Variants in ARHGAP26 observed in about 807,000 individuals in gnomAD.
ARHGAP26 encodes rho GTPase-activating protein 26.
In ARHGAP26, 38 loss-of-function variants were observed where a neutral mutation model predicts 104.8. The observed-to-expected ratio is 0.36, with a 90% CI of 0.28 to 0.48. ARHGAP26 has a LOEUF of 0.48. Among genes scored for constraint, ARHGAP26 ranks in the 20% least tolerant of loss-of-function variants. ARHGAP26 has a pLI of 0.99. For missense variants in ARHGAP26, 704 were observed against 947.9 expected, an observed-to-expected ratio of 0.74 and a Z score of 3.38; for synonymous variants, 341 against 340.0, an observed-to-expected ratio of 1.00 and a Z score of -0.03.
At chr5:143,175,981 G>A (rs1803424096) in intron 20 of ARHGAP26, among the ~76,000 whole-genome samples, 1 of 152,130 alleles carries the variant, frequency 6.6e-6, no homozygotes, top group Admixed American at 6.5e-5. Context: ...GGGCGTGGTG[G>A]TGTGCCCCTG....
At chr5:142,826,823 C>T (rs1438756200) in intron 1 of ARHGAP26, among the ~76,000 whole-genome samples, 3 of 152,340 alleles carry the variant, frequency 2.0e-5, no homozygotes, top group African/African-American at 7.2e-5. Context: ...GACTTGAAAA[C>T]TTTTAAATAC....
At position 142,871,435 on chromosome 5, in the gene ARHGAP26, G is replaced by C. The variant is rs554627345; in HGVS notation, c.155-1965G>C. Among the ~76,000 whole-genome samples, 1 of 152,176 alleles carries C rather than the reference G, an allele frequency of 6.6e-6. No homozygotes were observed. Among genetic ancestry groups the C allele is most frequent in the Non-Finnish European group, 1.5e-5 (1 of 68,034 alleles). On this transcript the variant is annotated intron_variant, in intron 1 of 22. Transcript: ENST00000645722. The surrounding 1 kb of genome is among the most constrained non-coding windows in gnomAD (Gnocchi z 4.1). ...TTGTTGAGATGATTGAGTTTCTCTT[G>C]CTTATGGGGGAGGCACAGGATTGTC...
chr5:143,027,560 A>G (rs1202549126), intron 12 of ARHGAP26, among the ~76,000 whole-genome samples: 1 of 151,614 alleles, frequency 6.6e-6, no homozygotes, highest in Non-Finnish European at 1.5e-5. Context: ...TCCATTTTTT[A>G]CCTCAGTTTA....
chr5:143,085,778 G>A (rs1598943983), intron 17 of ARHGAP26, among the ~76,000 whole-genome samples: 1 of 152,330 alleles, frequency 6.6e-6, no homozygotes, highest in South Asian at 2.1e-4. Context: ...CAGCCCTGAA[G>A]TGGCTGTGGG....
chr5:142,874,244 A>G (rs1476425108), intron 2 of ARHGAP26, among the ~76,000 whole-genome samples: 1 of 152,250 alleles, frequency 6.6e-6, no homozygotes, highest in Non-Finnish European at 1.5e-5. Flanking sequence ...AGGATTCGCA[A>G]TGTCAAGACA....
chr5:143,155,614 G>T (rs931601900), intron 20 of ARHGAP26, among the ~76,000 whole-genome samples: 1 of 152,168 alleles, frequency 6.6e-6, no homozygotes, highest in Non-Finnish European at 1.5e-5. Context: ...GTGGCACTTG[G>T]ATCTCTACAG....
At chr5:143,015,199 C>G (rs1779419409) in intron 12 of ARHGAP26, among the ~76,000 whole-genome samples, 1 of 151,984 alleles carries the variant, frequency 6.6e-6, no homozygotes, top group Admixed American at 6.6e-5. Context: ...AGTAAATATG[C>G]AAGGAAACAA....
chr5:143,041,689 A>T, intron 13 of ARHGAP26, 127 bp from the exon 14 acceptor site: 1 of 693,922 alleles, frequency 1.4e-6, no homozygotes, highest in Non-Finnish European at 2.5e-6. Context: ...AGGGGACTTT[A>T]ATTAGAGCAG....
chr5:143,225,417 G>A lies in ARHGAP26; in HGVS notation c.*2971G>A, dbSNP rs899014091. 1.6e-5 allele frequency: 3 copies of A among 190,568 alleles called. No homozygotes were observed. Among genetic ancestry groups the A allele is most frequent in the African/African-American group, 7.0e-5 (3 of 42,930 alleles). The allele number at this position is 190,568 out of a possible 1,614,324, so 11.8% of individuals were successfully genotyped here. ...TTTGCCAGGCTGATCTCGAACTCCT[G>A]ACCTCAAGTGATCTGCCCACTTCAG... On this transcript the variant is annotated 3_prime_UTR_variant, in exon 23 of 23. Coordinates refer to ENST00000645722, the MANE Select transcript of ARHGAP26 (RefSeq NM_001135608.3).
At chr5:142,894,152 C>G in intron 5 of ARHGAP26, 86 bp from the exon 6 acceptor site, 3 of 1,048,460 alleles carry the variant, frequency 2.9e-6, no homozygotes, top group Middle Eastern at 4.1e-4. Context: ...AATTATCTCC[C>G]GAGATTTTTT....
chr5:142,779,607 A>T (rs1159743121), intron 1 of ARHGAP26, among the ~76,000 whole-genome samples: 1 of 152,236 alleles, frequency 6.6e-6, no homozygotes, highest in Non-Finnish European at 1.5e-5. Context: ...GTTTGAAAAG[A>T]TACCGCTGGT....
chr5:142,827,763 A>G (rs1561910270), intron 1 of ARHGAP26, among the ~76,000 whole-genome samples: 1 of 152,210 alleles, frequency 6.6e-6, no homozygotes, highest in Non-Finnish European at 1.5e-5. Context: ...TGAGGAAAAA[A>G]GGACCTACCT....
chr5:143,058,164 T>G (rs550421999), intron 17 of ARHGAP26: 1 of 432,568 alleles, frequency 2.3e-6, no homozygotes, highest in East Asian at 4.3e-5. Flanking sequence ...ATTCTAGAGC[T>G]GACTCTGTTA....
chr5:143,124,216 G>A (rs759952053), intron 18 of ARHGAP26, among the ~76,000 whole-genome samples: 8 of 152,218 alleles, frequency 5.3e-5, no homozygotes, highest in East Asian at 3.9e-4. Context: ...TTTGTGCTTC[G>A]GAATAATCAT....
chr5:142,883,679 T>C (rs1191056612), intron 4 of ARHGAP26, among the ~76,000 whole-genome samples: 1 of 152,264 alleles, frequency 6.6e-6, no homozygotes, highest in Non-Finnish European at 1.5e-5. Flanking sequence ...TCTAGAAGGC[T>C]CTACTCTGCT....
At chr5:142,779,956 G>A (rs1174921320) in intron 1 of ARHGAP26, among the ~76,000 whole-genome samples, 1 of 152,214 alleles carries the variant, frequency 6.6e-6, no homozygotes, top group Non-Finnish European at 1.5e-5. Flanking sequence ...ATACCTATAA[G>A]TTGTTCATAA....
At chr5:142,940,568 G>T (rs892774253) in intron 11 of ARHGAP26, among the ~76,000 whole-genome samples, 3 of 152,150 alleles carry the variant, frequency 2.0e-5, no homozygotes, top group African/African-American at 7.2e-5. Flanking sequence ...TTCTGTTCCT[G>T]TGTTAGTTTG....
intron 1 of ARHGAP26, among the ~76,000 whole-genome samples, chr5:142,853,701 G>A: frequency 6.6e-6 from 1 of 152,322 alleles, no homozygotes; most frequent in South Asian, 2.1e-4. Context: ...TGTCTATCAT[G>A]ATGTTGAAAA....
chr5:142,771,485 C>T (rs781522209), intron 1 of ARHGAP26: 1 of 1,101,378 alleles, frequency 9.1e-7, no homozygotes, highest in African/African-American at 1.6e-5. Flanking sequence ...TATTGGCAGC[C>T]AGTAATCTCT....
Sources: allele counts gnomAD v4.1 joint callset (sites outside exome capture counted in the v4.1 genomes callset), GRCh38; gene constraint gnomAD v4.1.1; non-coding constraint Gnocchi (gnomAD v3.1); transcripts MANE v1.5; gene names NCBI Gene and HGNC (gene_info 2026-07-23, HGNC 2026-07-21).